Variants in ST3GAL5 observed in about 807,000 individuals in gnomAD.
ST3GAL5 encodes lactosylceramide alpha-2,3-sialyltransferase.
Under a neutral mutation model 46.1 loss-of-function variants are expected in ST3GAL5, and 25 were observed. That is an observed-to-expected ratio of 0.54 (90% CI 0.40 to 0.76). The LOEUF (loss-of-function observed/expected upper bound fraction) is 0.76, where lower values mean the gene tolerates loss of function less well. Ranked by LOEUF, ST3GAL5 falls within the 30% of genes least tolerant of loss-of-function variation. The pLI is 0.00. For synonymous variants in ST3GAL5, 182 were observed against 192.7 expected (o/e 0.94, Z 0.46); for missense variants, 431 against 521.2 (o/e 0.83, Z 1.69).
At chr2:85,852,883 T>C in intron 3 of ST3GAL5, 1 of 1,303,858 alleles carries the variant, frequency 7.7e-7, no homozygotes, top group East Asian at 5.5e-5. Context: ...CAGGAAGGCC[T>C]GGAAAGCGGG....
chr2:85,864,649 GTGCC>G (rs756897583), intron 1 of ST3GAL5, among the ~76,000 whole-genome samples: 34 of 151,670 alleles, frequency 2.2e-4, no homozygotes, highest in Non-Finnish European at 3.2e-4. Flanking sequence ...AATATGTTGT[GTGCC>G]TGCCTATTTA....
chr2:85,884,064 G>A (rs1369647619), intron 1 of ST3GAL5, among the ~76,000 whole-genome samples: 1 of 152,162 alleles, frequency 6.6e-6, no homozygotes, highest in Non-Finnish European at 1.5e-5. Flanking sequence ...ACCACCTCTA[G>A]GCCAGACTGC....
At chr2:85,852,218 T>C (rs1518990) in intron 3 of ST3GAL5, among the ~76,000 whole-genome samples, 46,683 of 152,038 alleles carry the variant, frequency 0.31, 7,574 homozygotes, top group East Asian at 0.54. Flanking sequence ...AAAGAAAACT[T>C]GTGTCTGGCA....
At chr2:85,857,817 G>A (rs1684308358) in intron 3 of ST3GAL5, among the ~76,000 whole-genome samples, 1 of 152,136 alleles carries the variant, frequency 6.6e-6, no homozygotes, top group Non-Finnish European at 1.5e-5. Context: ...CCACAGTGGG[G>A]CATGGCTGGA....
At position 85,860,782 on chromosome 2, in the gene ST3GAL5, C is replaced by T. The variant is rs574124013; in HGVS notation, c.318+399G>A. 6.9e-5 allele frequency: 16 copies of T among 233,210 alleles called. 1 individual carries two copies. In the East Asian group the frequency reaches 1.7e-3, roughly 25 times the overall value. The allele number at this position is 233,210 out of a possible 1,614,324, so 14.4% of individuals were successfully genotyped here. ...CAGCTACTCAGAAGGCTGAGGTGGC[C>T]GTGTTCTTGCCACTGCACTCAACCC... On this transcript the variant is annotated intron_variant, in intron 3 of 6. Coordinates refer to ENST00000638572, the MANE Select transcript of ST3GAL5 (RefSeq NM_003896.4).
intron 1 of ST3GAL5, among the ~76,000 whole-genome samples, chr2:85,873,888 T>C (rs6547638): frequency 0.73 from 111,575 of 152,184 alleles, 41,262 homozygotes; most frequent in East Asian, 0.99. Context: ...CAGGTGAGGA[T>C]GCTGACTGTG....
chr2:85,876,360 G>T (rs1686560880), intron 1 of ST3GAL5, among the ~76,000 whole-genome samples: 1 of 152,054 alleles, frequency 6.6e-6, no homozygotes, highest in African/African-American at 2.4e-5. Context: ...CCCTAAAATA[G>T]CAGTGGCAAT....
Position 85,863,376 on chromosome 2 carries a change from T to C in ST3GAL5, c.192A>G (p.Leu64=), listed in dbSNP as rs1408281264. The C allele has an allele frequency of 1.2e-6, 2 of 1,614,078 alleles. No homozygotes were observed. The highest frequency in any genetic ancestry group is 1.3e-5 in the African/African-American group (1 of 74,948). Residue 64 remains leucine, a synonymous_variant, in exon 2 of 7, where the codon TTA becomes TTG. Coordinates refer to ENST00000638572, the MANE Select transcript of ST3GAL5 (RefSeq NM_003896.4). ...GCGGTACTTACTTGAGGATGTCTTTTAATAACAAGCTGGGCCTTCTCATCT... is the reference window on the plus strand; with the variant it reads ...GCGGTACTTACTTGAGGATGTCTTTCAATAACAAGCTGGGCCTTCTCATCT... ...QSKMRRPSLL[L]KDILKCTLLV...
At chr2:85,853,060 T>G (rs1683708629) in intron 3 of ST3GAL5, 1 of 1,304,136 alleles carries the variant, frequency 7.7e-7, no homozygotes, top group Admixed American at 2.3e-5. Flanking sequence ...CATAATTAAC[T>G]GCACGCAATG....
chr2:85,864,159 C>T (rs914126805), intron 1 of ST3GAL5, among the ~76,000 whole-genome samples: 4 of 152,158 alleles, frequency 2.6e-5, no homozygotes, highest in Non-Finnish European at 5.9e-5. Flanking sequence ...TACATCTTGA[C>T]TGTATCCATG....
At chr2:85,846,119 C>T (rs1682767058) in intron 5 of ST3GAL5, 2 of 426,822 alleles carry the variant, frequency 4.7e-6, no homozygotes, top group Non-Finnish European at 8.6e-6. Flanking sequence ...TTGCTTGAAC[C>T]TGGGATGCGG....
At chr2:85,888,772 GC>G in intron 1 of ST3GAL5, 51 bp downstream of exon 1, 13 of 1,158,808 alleles carry the variant, frequency 1.1e-5, no homozygotes, top group East Asian at 3.8e-5. Flanking sequence ...CGCCGCCGCA[GC>G]CCCCAGCCCG....
intron 4 of ST3GAL5, chr2:85,847,472 G>A (rs1558652405): frequency 1.3e-5 from 13 of 1,017,598 alleles, no homozygotes; most frequent in Non-Finnish European, 1.5e-5. Context: ...CTTCTCAAAC[G>A]TTAAGTCCCT....
intron 1 of ST3GAL5, chr2:85,869,959 C>T: frequency 5.9e-6 from 2 of 338,452 alleles, no homozygotes; most frequent in South Asian, 2.4e-5. Flanking sequence ...CACACACACG[C>T]ACACATAGCC....
intron 5 of ST3GAL5, chr2:85,844,827 T>C (rs1024514259): frequency 1.4e-5 from 7 of 505,588 alleles, no homozygotes; most frequent in African/African-American, 1.4e-4. Flanking sequence ...CATTCCTCAA[T>C]GGTGCTAACA....
At chr2:85,864,596 G>T (rs1533606) in intron 1 of ST3GAL5, among the ~76,000 whole-genome samples, 1 of 144,842 alleles carries the variant, frequency 6.9e-6, no homozygotes, top group South Asian at 2.1e-4. Flanking sequence ...AAAAAAAAAA[G>T]AAAAAGAGAG....
chr2:85,854,684 T>C (rs954359278), intron 3 of ST3GAL5: 4 of 152,242 alleles, frequency 2.6e-5, no homozygotes, highest in African/African-American at 7.2e-5. Context: ...GTGATTCAAG[T>C]ACTATCTCCC....
At chr2:85,866,046 G>A (rs1685255882) in intron 1 of ST3GAL5, 1 of 152,224 alleles carries the variant, frequency 6.6e-6, no homozygotes, top group African/African-American at 2.4e-5. Context: ...CAGATGCTGT[G>A]GCACTTCCAG....
intron 3 of ST3GAL5, among the ~76,000 whole-genome samples, chr2:85,858,773 C>T (rs550609384): frequency 1.3e-5 from 2 of 152,358 alleles, no homozygotes; most frequent in South Asian, 2.1e-4. Flanking sequence ...CATCCTTCTG[C>T]GGTCTGAACC....
Sources: gnomAD v4.1 joint callset for allele counts (sites outside exome capture counted in the v4.1 genomes callset) on GRCh38, gnomAD v4.1.1 for gene constraint, MANE v1.5 for transcripts, NCBI Gene and HGNC (gene_info 2026-07-23, HGNC 2026-07-21) for gene names.